FTO: variants seen among roughly 807,000 people sequenced by gnomAD.
FTO encodes the protein alpha-ketoglutarate-dependent dioxygenase FTO.
FTO carries 47 observed loss-of-function variants against 63.9 expected under a neutral mutation model. That is an observed-to-expected ratio of 0.74 (90% CI 0.58 to 0.94). FTO has a LOEUF of 0.94. FTO is among the 40% of genes least tolerant of loss of function. The probability of loss-of-function intolerance (pLI) is 0.00; values close to 1 mark genes in which losing one functional copy is unlikely to be tolerated. For missense variants in FTO, 562 were observed against 618.1 expected, an observed-to-expected ratio of 0.91 and a Z score of 0.96; for synonymous variants, 207 against 224.4, an observed-to-expected ratio of 0.92 and a Z score of 0.69.
At chr16:53,749,667 C>G (rs181101498) in intron 1 of FTO, among the ~76,000 whole-genome samples, 1 of 152,004 alleles carries the variant, frequency 6.6e-6, no homozygotes, top group African/African-American at 2.4e-5. Flanking sequence ...TCTCGATCTC[C>G]TGACCTCGTG....
chr16:53,828,348 T>C (rs1441056328), intron 3 of FTO, among the ~76,000 whole-genome samples: 1 of 152,116 alleles, frequency 6.6e-6, no homozygotes, highest in African/African-American at 2.4e-5. Context: ...GCCTCCCAAG[T>C]AGCTGGGGCT....
At chr16:53,929,561 A>T (rs763321831) in intron 7 of FTO, among the ~76,000 whole-genome samples, 4 of 152,194 alleles carry the variant, frequency 2.6e-5, no homozygotes, top group Non-Finnish European at 4.4e-5. Context: ...AATCCCTGTA[A>T]ATGAAATTGC....
chr16:53,829,626 T>C (rs1478376614), intron 3 of FTO, among the ~76,000 whole-genome samples: 4 of 152,236 alleles, frequency 2.6e-5, no homozygotes, highest in Non-Finnish European at 5.9e-5. Flanking sequence ...AAGGAGGTCA[T>C]AGAGAGTGGA....
intron 8 of FTO, among the ~76,000 whole-genome samples, chr16:53,944,788 G>C (rs977510521): frequency 3.3e-5 from 5 of 152,200 alleles, no homozygotes; most frequent in African/African-American, 1.2e-4. Flanking sequence ...CGTATTAGGT[G>C]TTCAATAAAA....
intron 7 of FTO, among the ~76,000 whole-genome samples, chr16:53,931,871 A>ACAC (rs2082292335): frequency 2.6e-4 from 38 of 145,798 alleles, no homozygotes; most frequent in African/African-American, 8.9e-4. Context: ...TTTTACATTA[A>ACAC]ACACACACAC....
In FTO at chr16:53,889,067, T is replaced by G; in HGVS notation, c.1239+116T>G. The G allele has an allele frequency of 3.2e-6, 4 of 1,248,352 alleles. No individual in the cohort carries two copies. In the South Asian group the frequency reaches 4.9e-5, roughly 15 times the overall value. 77.3% of individuals were successfully genotyped at this position (1,248,352 alleles called of 1,614,324 possible). On this transcript the variant is annotated intron_variant, in intron 7 of 8. Transcript: ENST00000471389. ...AATTATTCCTAATTATCAAGTTAGA[T>G]TCTTCTTGGTAAGGTGATGGGTATA...
At chr16:53,933,874 G>A (rs761693099) in intron 7 of FTO, 111 bp from the exon 8 acceptor site, 244 of 1,049,102 alleles carry the variant, frequency 2.3e-4, no homozygotes, top group Non-Finnish European at 3.2e-4. Flanking sequence ...TTTGTTAGCA[G>A]GGGAACTGTA....
At chr16:53,867,295 C>T (rs146077425) in intron 4 of FTO, among the ~76,000 whole-genome samples, 4,983 of 150,050 alleles carry the variant, frequency 0.033, 119 homozygotes, top group Middle Eastern at 0.044. Flanking sequence ...TGCTAGTAGA[C>T]GTGTATTGCA....
intron 8 of FTO, among the ~76,000 whole-genome samples, chr16:54,096,942 G>A (rs1255820247): frequency 6.6e-6 from 1 of 152,180 alleles, no homozygotes; most frequent in Non-Finnish European, 1.5e-5. Flanking sequence ...TTCAAGTGGT[G>A]TCAGCTGTGT....
At chr16:53,887,287 GT>G (rs2081025993) in intron 6 of FTO, among the ~76,000 whole-genome samples, 2 of 152,110 alleles carry the variant, frequency 1.3e-5, no homozygotes, top group Admixed American at 1.3e-4. Flanking sequence ...TCTTCCTGTA[GT>G]TTCTGATAGT....
chr16:54,079,647 C>T (rs1333430210), intron 8 of FTO, among the ~76,000 whole-genome samples: 1 of 152,092 alleles, frequency 6.6e-6, no homozygotes, highest in Admixed American at 6.5e-5. Flanking sequence ...TCTATTATAG[C>T]CCAATAGACC....
chr16:53,791,705 T>C (rs1278882109), intron 1 of FTO, among the ~76,000 whole-genome samples: 1 of 152,208 alleles, frequency 6.6e-6, no homozygotes, highest in Non-Finnish European at 1.5e-5. Flanking sequence ...AATGGACATA[T>C]TGAAATAAGA....
At chr16:53,979,306 A>G in intron 8 of FTO, 1 of 398,100 alleles carries the variant, frequency 2.5e-6, no homozygotes, top group Non-Finnish European at 4.4e-6. Context: ...CTAACAAATT[A>G]CAGGTTCTTG....
At chr16:53,961,492 G>C (rs780664774) in intron 8 of FTO, among the ~76,000 whole-genome samples, 1 of 152,170 alleles carries the variant, frequency 6.6e-6, no homozygotes, top group Non-Finnish European at 1.5e-5. Context: ...TACTAAATTG[G>C]AGAAAATTGC....
chr16:54,042,207 C>T (rs1384816243), intron 8 of FTO, among the ~76,000 whole-genome samples: 1 of 149,038 alleles, frequency 6.7e-6, no homozygotes, highest in Non-Finnish European at 1.5e-5. Context: ...GGGTTCATCT[C>T]ACTAGGGAGT....
intron 1 of FTO, among the ~76,000 whole-genome samples, chr16:53,755,920 C>T (rs1471210844): frequency 1.3e-5 from 2 of 152,148 alleles, no homozygotes; most frequent in East Asian, 3.9e-4. Context: ...GAACCACTGT[C>T]CCAGCCTGGT....
intron 8 of FTO, among the ~76,000 whole-genome samples, chr16:54,109,622 C>G (rs186194322): frequency 2.6e-5 from 4 of 152,302 alleles, no homozygotes; most frequent in Admixed American, 6.5e-5. Context: ...TGTGAGCCAC[C>G]ACGCCTGGCC....
chr16:53,736,283 T>G (rs1336027642), intron 1 of FTO, among the ~76,000 whole-genome samples: 2 of 151,900 alleles, frequency 1.3e-5, no homozygotes, highest in East Asian at 3.9e-4. Context: ...CAGGTCAAAC[T>G]CCTATCTTAG....
At chr16:54,005,068 TAAAAA>T (rs777739385) in intron 8 of FTO, among the ~76,000 whole-genome samples, 121 of 97,754 alleles carry the variant, frequency 1.2e-3, no homozygotes, top group African/African-American at 4.3e-3. Context: ...AGGCTCCGTC[TAAAAA>T]AAAAAAAAAA....
Sources: gnomAD v4.1 joint callset for allele counts (sites outside exome capture counted in the v4.1 genomes callset) on GRCh38, gnomAD v4.1.1 for gene constraint, MANE v1.5 for transcripts, NCBI Gene and HGNC (gene_info 2026-07-23, HGNC 2026-07-21) for gene names.